The following TANGO6 variants were observed in gnomAD, a reference collection of about 807,000 sequenced individuals.
TANGO6 encodes the protein transport and golgi organization 6 homolog, also known as transport and Golgi organization protein 6 homolog.
A neutral mutation model predicts 114.2 loss-of-function variants in TANGO6; 90 were observed. The observed-to-expected ratio is 0.79, with a 90% confidence interval of 0.66 to 0.94. TANGO6 has a LOEUF of 0.94. TANGO6 is among the 40% of genes least tolerant of loss of function. The pLI is 0.00. For missense variants in TANGO6, 1,274 were observed against 1,315.3 expected (o/e 0.97, Z 0.49); for synonymous variants, 477 against 509.8 (o/e 0.94, Z 0.87).
intron 15 of TANGO6, among the ~76,000 whole-genome samples, chr16:69,003,337 A>C (rs1424312117): frequency 1.3e-5 from 2 of 152,202 alleles, no homozygotes; most frequent in East Asian, 3.9e-4. Flanking sequence ...ATAAATGGCA[A>C]AAGTCCCACA....
At position 68,946,922 on chromosome 16, in the gene TANGO6, A is replaced by G. The variant is rs1443160797; in HGVS notation, c.2701+16627A>G. On this transcript the variant is annotated intron_variant, in intron 14 of 17. Coordinates refer to ENST00000261778, the MANE Select transcript of TANGO6 (RefSeq NM_024562.2). The stretch of plus-strand genomic sequence containing the variant: ...ATAGTTGTACAGATTTCACTCTTAC[A>G]TTTAGGTCTGTGATCCATTTCGAGC... Among the ~76,000 whole-genome samples the G allele has an allele frequency of 2.6e-5, 4 of 152,174 alleles. No individual in the cohort carries two copies. The South Asian group carries it at 6.2e-4, about 24-fold the overall frequency.
Position 68,907,547 on chromosome 16 carries a change from C to T in TANGO6, c.1772C>T (p.Ala591Val). Residue 591 changes from alanine to valine, a missense_variant, in exon 10 of 18, where the codon GCA becomes GTA. Physicochemically the swap from Ala to Val is moderately conservative, Grantham distance 64 (BLOSUM62 0). Transcript: ENST00000261778. Reference protein sequence around the residue: ...LLSHCQECGLAGDFFIFCLKE... With the variant: ...LLSHCQECGLVGDFFIFCLKE... ...TCCCACTGCCAGGAATGCGGTTTGGCAGGAGACTTCTTCATCTTCTGTTTG... is the reference window on the plus strand; with the variant it reads ...TCCCACTGCCAGGAATGCGGTTTGGTAGGAGACTTCTTCATCTTCTGTTTG... 6.2e-7 allele frequency: 1 copy of T among 1,613,558 alleles called. No individual in the cohort carries two copies. Among genetic ancestry groups the T allele is most frequent in the Non-Finnish European group, 8.5e-7 (1 of 1,179,740 alleles).
At chr16:68,909,030 A>T (rs1210224279) in intron 10 of TANGO6, among the ~76,000 whole-genome samples, 181 bp from the exon 11 acceptor site, 4 of 152,096 alleles carry the variant, frequency 2.6e-5, no homozygotes, top group African/African-American at 7.2e-5. Context: ...ATACATCATA[A>T]TTTTTTCTTA....
intron 15 of TANGO6, among the ~76,000 whole-genome samples, chr16:68,985,430 G>A (rs565742196): frequency 2.9e-4 from 44 of 152,182 alleles, no homozygotes; most frequent in African/African-American, 1.0e-3. Context: ...TTTAGCACCG[G>A]CGGGTGCAGT....
chr16:68,848,813 A>C (rs1031457419), intron 1 of TANGO6, among the ~76,000 whole-genome samples: 1 of 152,028 alleles, frequency 6.6e-6, no homozygotes, highest in African/African-American at 2.4e-5. Flanking sequence ...CAATTATTGT[A>C]TTCCTTGTTC....
Position 69,040,370 on chromosome 16 carries a change from C to T in TANGO6, c.3057C>T (p.Ala1019=). ...TDGEVQVRRA[A]IHVVVLLLRG... ...GTGAAGTTCAAGTACGCAGAGCTGC[C>T]ATACATGTGGTTGTGCTGCTGCTTC... The change falls in exon 17 of 18, where the codon GCC becomes GCT. Residue 1019 remains alanine, a synonymous_variant. Coordinates refer to ENST00000261778, the MANE Select transcript of TANGO6 (RefSeq NM_024562.2). The T allele has an allele frequency of 6.2e-7, 1 of 1,609,586 alleles. No individual in the cohort carries two copies. The highest frequency in any genetic ancestry group is 1.1e-5 in the South Asian group (1 of 89,626).
At chr16:68,981,105 A>G (rs993780236) in intron 15 of TANGO6, among the ~76,000 whole-genome samples, 7 of 152,060 alleles carry the variant, frequency 4.6e-5, no homozygotes, top group East Asian at 1.9e-4. Flanking sequence ...TAAATTACCA[A>G]TCATTCCAAA....
chr16:68,960,816 T>C (rs2152208887), intron 14 of TANGO6, among the ~76,000 whole-genome samples: 1 of 152,216 alleles, frequency 6.6e-6, no homozygotes, highest in South Asian at 2.1e-4. Context: ...TTTGGATTTG[T>C]TTTATTTGTT....
chr16:68,925,894 T>TAA (rs373147736), intron 12 of TANGO6, among the ~76,000 whole-genome samples: 4 of 138,790 alleles, frequency 2.9e-5, no homozygotes, highest in African/African-American at 1.1e-4. Flanking sequence ...TTGTTCCAAT[T>TAA]AAAAAAAAAA....
intron 17 of TANGO6, among the ~76,000 whole-genome samples, chr16:69,056,011 C>A (rs2152238634): frequency 6.6e-6 from 1 of 151,860 alleles, no homozygotes; most frequent in Middle Eastern, 3.4e-3. Flanking sequence ...TGCACTCCAC[C>A]CTGGGCAACA....
intron 1 of TANGO6, among the ~76,000 whole-genome samples, chr16:68,852,599 G>C (rs1271213915): frequency 6.7e-6 from 1 of 149,346 alleles, no homozygotes; most frequent in Non-Finnish European, 1.5e-5. Context: ...GGAGGCTGAG[G>C]CGGGAGGATT....
At chr16:68,915,715 A>G (rs1460671074) in intron 11 of TANGO6, among the ~76,000 whole-genome samples, 1 of 152,212 alleles carries the variant, frequency 6.6e-6, no homozygotes, top group East Asian at 1.9e-4. Flanking sequence ...AAACTGCCTT[A>G]AACAGCATTG....
Position 68,878,114 on chromosome 16 carries a change from G to A in TANGO6, c.1132-4G>A, listed in dbSNP as rs369648718. 1.9e-6 allele frequency: 3 copies of A among 1,596,948 alleles called. No homozygotes were observed. The highest frequency in any genetic ancestry group is 1.7e-4 in the Middle Eastern group (1 of 5,984). ...GGTATTTACTTCTTGTAGTTTTTTT[G>A]TAGGTTCTGGATTTATTTCACTTTC... On this transcript the variant is annotated splice_polypyrimidine_tract_variant and splice_region_variant and intron_variant, in intron 5 of 17. Transcript: ENST00000261778.
chr16:69,084,480 A>G lies in TANGO6; in HGVS notation c.*819A>G, dbSNP rs1960510568. 6.6e-6 allele frequency: 1 copy of G among 152,334 alleles called. No homozygotes were observed. Among genetic ancestry groups the G allele is most frequent in the Non-Finnish European group, 1.5e-5 (1 of 68,044 alleles). 9.4% of individuals were successfully genotyped at this position (152,334 alleles called of 1,614,324 possible). A position where few individuals can be genotyped will look rare whatever the true frequency, so the allele number is the denominator to read the frequency against. The stretch of plus-strand genomic sequence containing the variant: ...TGCTCCTTCAGAAAGATGAATGCCT[A>G]GACAATGGGTTCACACTGAATGCAG... On this transcript the variant is annotated 3_prime_UTR_variant, in exon 18 of 18. Coordinates refer to ENST00000261778, the MANE Select transcript of TANGO6 (RefSeq NM_024562.2).
chr16:69,028,637 A>G (rs945141660), intron 16 of TANGO6, among the ~76,000 whole-genome samples: 3 of 152,108 alleles, frequency 2.0e-5, no homozygotes, highest in African/African-American at 7.2e-5. Context: ...TGTCTCAAAA[A>G]AAACTAAAAA....
rs1296305461 is a variant in TANGO6 at position 69,072,139 on chromosome 16, G to A, written c.3109-11346G>A. On this transcript the variant is annotated intron_variant, in intron 17 of 17. Transcript: ENST00000261778. Reference sequence around the variant, plus strand: ...AGGGAGACCGTGTGTGTGTGTGTGTGTGTGTGTGTGTGTGTCACATGCGCT... The same window carrying A: ...AGGGAGACCGTGTGTGTGTGTGTGTATGTGTGTGTGTGTGTCACATGCGCT... Among the ~76,000 whole-genome samples the A allele has an allele frequency of 2.0e-5, 3 of 151,438 alleles. No homozygotes were observed. The East Asian group carries it at 5.8e-4, about 29-fold the overall frequency.
chr16:69,074,924 C>T (rs989494229), intron 17 of TANGO6, among the ~76,000 whole-genome samples: 2 of 151,892 alleles, frequency 1.3e-5, no homozygotes, highest in African/African-American at 2.4e-5. Flanking sequence ...TCTTGGCTCA[C>T]TGCAACCTCC....
chr16:69,039,526 C>T (rs1314622911), intron 16 of TANGO6, among the ~76,000 whole-genome samples: 1 of 151,330 alleles, frequency 6.6e-6, no homozygotes, highest in Admixed American at 6.6e-5. Context: ...GTCCTAGCTA[C>T]TTGGGAGGCT....
intron 8 of TANGO6, among the ~76,000 whole-genome samples, chr16:68,901,778 G>A (rs1173534496): frequency 3.3e-5 from 5 of 152,092 alleles, no homozygotes; most frequent in African/African-American, 4.8e-5. Context: ...GTGAGCCACC[G>A]CACCTGGCCT....
Sources: allele counts gnomAD v4.1 joint callset (sites outside exome capture counted in the v4.1 genomes callset), GRCh38; gene constraint gnomAD v4.1.1; transcripts MANE v1.5; gene names NCBI Gene and HGNC (gene_info 2026-07-23, HGNC 2026-07-21).